Variants in UVRAG observed in about 807,000 individuals in gnomAD.
The protein encoded by UVRAG is UV radiation resistance associated, also known as UV radiation resistance-associated gene protein.
Under a neutral mutation model 78.0 loss-of-function variants are expected in UVRAG, and 19 were observed. The ratio of observed to expected loss-of-function variants is 0.24; its 90% CI spans 0.17 to 0.36. UVRAG has a LOEUF of 0.36. Among genes scored for constraint, UVRAG ranks in the 10% least tolerant of loss-of-function variants. The pLI is 1.00. For synonymous variants in UVRAG, 323 were observed against 324.6 expected, an observed-to-expected ratio of 1.00 and a Z score of 0.05; for missense variants, 740 against 853.8, an observed-to-expected ratio of 0.87 and a Z score of 1.66.
chr11:75,903,836 A>G (rs944780087), intron 5 of UVRAG, among the ~76,000 whole-genome samples: 3 of 152,190 alleles, frequency 2.0e-5, no homozygotes, highest in African/African-American at 7.2e-5. Context: ...GTATATGTAT[A>G]ATGCTATTTG....
rs1952763415 is a variant in UVRAG at position 76,143,836 on chromosome 11, AT to A, written c.*2425del. 6.6e-6 allele frequency among the ~76,000 whole-genome samples: 1 copy of A among 152,234 alleles called. No individual in the cohort carries two copies. The highest frequency in any genetic ancestry group is 2.4e-5 in the African/African-American group (1 of 41,452). On this transcript the variant is annotated 3_prime_UTR_variant, in exon 15 of 15. Transcript: ENST00000356136. ...TTTAGTTTTGTAAATCACTAAGAAA[AT>A]TGTTTGCTTGGAAGATATAAGTTGA...
chr11:75,946,912 C>G (rs1332206600), intron 6 of UVRAG, among the ~76,000 whole-genome samples: 1 of 152,144 alleles, frequency 6.6e-6, no homozygotes, highest in Non-Finnish European at 1.5e-5. Context: ...TTTATTTTCT[C>G]AGAGATCTGA....
At chr11:76,105,581 CTACAAAAAAA>C (rs1434918907) in intron 13 of UVRAG, among the ~76,000 whole-genome samples, 1 of 148,882 alleles carries the variant, frequency 6.7e-6, no homozygotes, top group Non-Finnish European at 1.5e-5. Flanking sequence ...AATGCTGTCT[CTACAAAAAAA>C]TACAAAAACT....
At chr11:75,926,152 T>A (rs768968063) in intron 6 of UVRAG, among the ~76,000 whole-genome samples, 2 of 151,894 alleles carry the variant, frequency 1.3e-5, no homozygotes, top group African/African-American at 2.4e-5. Flanking sequence ...CCCTCCAGAG[T>A]GTGCTTAATA....
chr11:76,083,976 A>G (rs1951542180), intron 13 of UVRAG, among the ~76,000 whole-genome samples: 1 of 152,242 alleles, frequency 6.6e-6, no homozygotes, highest in Non-Finnish European at 1.5e-5. Flanking sequence ...AGTTCTAAGC[A>G]GTGGGCTTAG....
intron 5 of UVRAG, among the ~76,000 whole-genome samples, chr11:75,909,265 C>G (rs1053565097): frequency 6.6e-6 from 1 of 151,946 alleles, no homozygotes; most frequent in Non-Finnish European, 1.5e-5. Context: ...GAGGGTCTCA[C>G]GAACCCAGGA....
At chr11:76,099,820 T>C (rs963515648) in intron 13 of UVRAG, among the ~76,000 whole-genome samples, 1 of 152,128 alleles carries the variant, frequency 6.6e-6, no homozygotes, top group Non-Finnish European at 1.5e-5. Flanking sequence ...ATTGAAGTAT[T>C]TTATTGTTTG....
chr11:76,037,217 A>G (rs920593967), intron 12 of UVRAG, among the ~76,000 whole-genome samples: 12 of 152,196 alleles, frequency 7.9e-5, no homozygotes, highest in Non-Finnish European at 1.6e-4. Context: ...TGAAAGACAT[A>G]CAAAACAAAA....
At chr11:75,932,717 T>C (rs1462391749) in intron 6 of UVRAG, among the ~76,000 whole-genome samples, 2 of 152,118 alleles carry the variant, frequency 1.3e-5, no homozygotes, top group Non-Finnish European at 2.9e-5. Flanking sequence ...TATGCCAACA[T>C]GAACAATCTG....
chr11:75,976,810 A>G (rs1949252321), intron 7 of UVRAG, among the ~76,000 whole-genome samples: 1 of 152,054 alleles, frequency 6.6e-6, no homozygotes, highest in African/African-American at 2.4e-5. Flanking sequence ...GATCTTTTCA[A>G]AAAACCAGCT....
intron 13 of UVRAG, among the ~76,000 whole-genome samples, chr11:76,071,573 ACTT>A (rs955829593): frequency 1.3e-5 from 2 of 152,230 alleles, no homozygotes; most frequent in African/African-American, 4.8e-5. Context: ...TCTAGCTACT[ACTT>A]TTTTTTGGCC....
intron 6 of UVRAG, among the ~76,000 whole-genome samples, chr11:75,949,446 A>G (rs1039426984): frequency 3.3e-5 from 5 of 151,922 alleles, no homozygotes; most frequent in Non-Finnish European, 7.4e-5. Context: ...TGACTGCCAC[A>G]TTTTTATCTC....
chr11:76,127,184 T>C (rs1455549006), intron 14 of UVRAG, among the ~76,000 whole-genome samples: 2 of 152,230 alleles, frequency 1.3e-5, no homozygotes, highest in Admixed American at 6.5e-5. Flanking sequence ...CCTCAAAAAC[T>C]GTCAGGCAAT....
At chr11:75,845,564 G>A (rs1176900392) in intron 1 of UVRAG, among the ~76,000 whole-genome samples, 1 of 152,186 alleles carries the variant, frequency 6.6e-6, no homozygotes, top group Non-Finnish European at 1.5e-5. Flanking sequence ...TATCCTAAGT[G>A]AATTAATGCA....
intron 1 of UVRAG, 116 bp from the exon 2 acceptor site, chr11:75,851,767 T>C: frequency 1.3e-6 from 1 of 786,936 alleles, no homozygotes; most frequent in Non-Finnish European, 2.1e-6. Flanking sequence ...GGTTTCTGGC[T>C]CAATAAATAA....
chr11:75,911,904 A>G, intron 5 of UVRAG, 50 bp from the exon 6 acceptor site: 1 of 1,182,382 alleles, frequency 8.5e-7, no homozygotes, highest in Non-Finnish European at 1.3e-6. Context: ...ATTTGTGCAT[A>G]TATTTTATTT....
At chr11:76,084,738 A>T (rs1169935568) in intron 13 of UVRAG, among the ~76,000 whole-genome samples, 1 of 152,114 alleles carries the variant, frequency 6.6e-6, no homozygotes, top group Non-Finnish European at 1.5e-5. Flanking sequence ...AAGTTGCTTT[A>T]TGTGACAAAT....
intron 12 of UVRAG, among the ~76,000 whole-genome samples, chr11:76,018,135 C>T (rs1330451319): frequency 6.6e-6 from 1 of 152,092 alleles, no homozygotes; most frequent in Non-Finnish European, 1.5e-5. Flanking sequence ...GAGATCTTAG[C>T]ATTGTCTGGA....
rs114305440 is a variant in UVRAG, at chr11:76,120,468, C to T, written c.1397+4453C>T. 3.8e-3 allele frequency among the ~76,000 whole-genome samples: 579 copies of T among 152,250 alleles called. 2 individuals carry two copies. The highest frequency in any genetic ancestry group is 0.013 in the African/African-American group (530 of 41,540). On this transcript the variant is annotated intron_variant, in intron 14 of 14. Coordinates refer to ENST00000356136, the MANE Select transcript of UVRAG (RefSeq NM_003369.4). ...TCCAGCAACTCTCAGTTCTAAGGTACGGAGAAATTAATTGACTTTCCAGGC... is the reference window on the plus strand; with the variant it reads ...TCCAGCAACTCTCAGTTCTAAGGTATGGAGAAATTAATTGACTTTCCAGGC...
Sources: allele counts gnomAD v4.1 joint callset (sites outside exome capture counted in the v4.1 genomes callset), GRCh38; gene constraint gnomAD v4.1.1; transcripts MANE v1.5; gene names NCBI Gene and HGNC (gene_info 2026-07-23, HGNC 2026-07-21).